RAB39A: variants seen among roughly 807,000 people sequenced by gnomAD.
RAB39A encodes ras-related protein Rab-39A.
Under a neutral mutation model 20.9 loss-of-function variants are expected in RAB39A, and 17 were observed. The ratio of observed to expected loss-of-function variants is 0.81; its 90% confidence interval spans 0.56 to 1.22. The LOEUF is 1.22. Among genes scored for constraint, RAB39A ranks in the 50% most tolerant of loss-of-function variants. The pLI, the probability that RAB39A is intolerant of heterozygous loss-of-function variation, is 0.00. For missense variants in RAB39A, 234 were observed against 270.5 expected, an observed-to-expected ratio of 0.87 and a Z score of 0.95; for synonymous variants, 99 against 103.4, an observed-to-expected ratio of 0.96 and a Z score of 0.26.
intron 1 of RAB39A, among the ~76,000 whole-genome samples, chr11:107,956,990 A>G (rs952193904): frequency 1.3e-5 from 2 of 152,228 alleles, no homozygotes; most frequent in African/African-American, 2.4e-5. Flanking sequence ...TCACCACAGT[A>G]AAAAAGAATA....
intron 1 of RAB39A, among the ~76,000 whole-genome samples, chr11:107,956,757 C>T (rs926616273): frequency 1.3e-5 from 2 of 152,136 alleles, no homozygotes; most frequent in Non-Finnish European, 1.5e-5. Flanking sequence ...TGATTTTCCC[C>T]GGAAACATAC....
At chr11:107,940,117 G>T (rs1432790459) in intron 1 of RAB39A, among the ~76,000 whole-genome samples, 2 of 152,104 alleles carry the variant, frequency 1.3e-5, no homozygotes, top group Admixed American at 6.6e-5. Context: ...TGTCCTGACT[G>T]ATTTGGAGGG....
chr11:107,955,442 T>A (rs557284278), intron 1 of RAB39A, among the ~76,000 whole-genome samples: 8 of 152,192 alleles, frequency 5.3e-5, no homozygotes, highest in African/African-American at 7.2e-5. Context: ...GCTTGCACTG[T>A]AGCTTGGACC....
intron 1 of RAB39A, among the ~76,000 whole-genome samples, chr11:107,957,283 G>T (rs974137152): frequency 2.0e-5 from 3 of 152,230 alleles, no homozygotes; most frequent in African/African-American, 7.2e-5. Flanking sequence ...GCAGTTGGAA[G>T]ATGACAGCAG....
chr11:107,932,604 A>T (rs1333357368), intron 1 of RAB39A, among the ~76,000 whole-genome samples: 1 of 152,240 alleles, frequency 6.6e-6, no homozygotes, highest in Non-Finnish European at 1.5e-5. Context: ...GGGAGATCTT[A>T]GTTACAAGGA....
At position 107,962,060 on chromosome 11, in the gene RAB39A, T is replaced by C. The variant is rs189062613; in HGVS notation, c.342T>C (p.Tyr114=). ...ATTGGCTAGAAGAAGCAAAAATGTA[T>C]GTACAGCCATTTCGGATTGTATTTC... is the stretch of plus-strand genomic sequence containing the variant. The part of the protein sequence containing the change: ...VKDWLEEAKM[Y]VQPFRIVFLL... The change falls in exon 2 of 2, where the codon TAT becomes TAC. Residue 114 remains tyrosine (Y), a synonymous_variant. Coordinates refer to ENST00000320578, the MANE Select transcript of RAB39A (RefSeq NM_017516.3). 60 of 1,614,164 alleles carry C rather than the reference T, an allele frequency of 3.7e-5. No homozygotes were observed. The East Asian group carries it at 1.3e-3, about 36-fold the overall frequency.
At chr11:107,958,715 C>A (rs895384639) in intron 1 of RAB39A, among the ~76,000 whole-genome samples, 4 of 147,194 alleles carry the variant, frequency 2.7e-5, no homozygotes, top group Non-Finnish European at 4.5e-5. Context: ...TAATTTTATT[C>A]TGTAGGATGA....
At chr11:107,947,263 G>A (rs142898040) in intron 1 of RAB39A, among the ~76,000 whole-genome samples, 5,277 of 151,848 alleles carry the variant, frequency 0.035, 304 homozygotes, top group African/African-American at 0.12. Flanking sequence ...CACCACGCCC[G>A]GCTAATTTTG....
chr11:107,933,863 C>A (rs975953890), intron 1 of RAB39A, among the ~76,000 whole-genome samples: 1 of 146,566 alleles, frequency 6.8e-6, no homozygotes. Context: ...ACCATATTGG[C>A]CAGGCTGGTC....
At chr11:107,934,165 C>T (rs576405844) in intron 1 of RAB39A, among the ~76,000 whole-genome samples, 36 of 152,178 alleles carry the variant, frequency 2.4e-4, no homozygotes, top group African/African-American at 8.7e-4. Flanking sequence ...CGGTGAGTCA[C>T]GTCTGTAATC....
chr11:107,956,309 T>G (rs1203892795), intron 1 of RAB39A, among the ~76,000 whole-genome samples: 3 of 152,232 alleles, frequency 2.0e-5, no homozygotes, highest in Non-Finnish European at 4.4e-5. Context: ...GAATGCCCAC[T>G]ATGTGCTAGG....
intron 1 of RAB39A, among the ~76,000 whole-genome samples, chr11:107,948,538 C>G (rs1180503262): frequency 6.6e-6 from 1 of 151,140 alleles, no homozygotes; most frequent in Non-Finnish European, 1.5e-5. Flanking sequence ...TGTCGCCCAT[C>G]CCCCAGGCTG....
chr11:107,962,431 C>T lies in RAB39A; in HGVS notation c.*59C>T, dbSNP rs1461058275. The T allele has an allele frequency of 7.1e-7, 1 of 1,403,776 alleles. No homozygotes were observed. The highest frequency in any genetic ancestry group is 9.7e-7 in the Non-Finnish European group (1 of 1,031,486). The allele number at this position is 1,403,776 out of a possible 1,614,324, so 87.0% of individuals were successfully genotyped here. On this transcript the variant is annotated 3_prime_UTR_variant, in exon 2 of 2. Transcript: ENST00000320578. ...TTGGGTGTCAGTTCAGGATAAATACCAACATTAACAGCAGAATGATGCAAT... is the reference window on the plus strand; with the variant it reads ...TTGGGTGTCAGTTCAGGATAAATACTAACATTAACAGCAGAATGATGCAAT...
chr11:107,934,294 C>T (rs1373727109), intron 1 of RAB39A, among the ~76,000 whole-genome samples: 1 of 151,954 alleles, frequency 6.6e-6, no homozygotes, highest in Non-Finnish European at 1.5e-5. Context: ...ATTAGCTGGG[C>T]ATGGTGGCAT....
chr11:107,956,251 A>G (rs1479150493), intron 1 of RAB39A, among the ~76,000 whole-genome samples: 1 of 152,220 alleles, frequency 6.6e-6, no homozygotes, highest in Non-Finnish European at 1.5e-5. Context: ...ACAGCTATGT[A>G]AGTGGCTTAG....
intron 1 of RAB39A, among the ~76,000 whole-genome samples, chr11:107,954,613 C>T (rs1591248513): frequency 6.6e-6 from 1 of 152,160 alleles, no homozygotes; most frequent in African/African-American, 2.4e-5. Flanking sequence ...CTCCATTGAG[C>T]GTGGCTTACT....
chr11:107,934,561 A>C (rs71488287), intron 1 of RAB39A, among the ~76,000 whole-genome samples: 4,954 of 152,308 alleles, frequency 0.033, 118 homozygotes, highest in Non-Finnish European at 0.047. Flanking sequence ...GGTTTGTAGC[A>C]ATGGAAGACC....
At chr11:107,960,434 G>A (rs1183013281) in intron 1 of RAB39A, among the ~76,000 whole-genome samples, 1 of 152,110 alleles carries the variant, frequency 6.6e-6, no homozygotes, top group Non-Finnish European at 1.5e-5. Flanking sequence ...GCTCACTATT[G>A]AAGCAGACAT....
chr11:107,937,498 T>G (rs559167615), intron 1 of RAB39A, among the ~76,000 whole-genome samples: 10 of 151,898 alleles, frequency 6.6e-5, no homozygotes, highest in Non-Finnish European at 1.2e-4. Context: ...AAGCAAAAGC[T>G]CACTGAACAT....
Sources: gnomAD v4.1 joint callset for allele counts (sites outside exome capture counted in the v4.1 genomes callset) on GRCh38, gnomAD v4.1.1 for gene constraint, MANE v1.5 for transcripts, NCBI Gene and HGNC (gene_info 2026-07-23, HGNC 2026-07-21) for gene names.